ESR1: variants seen among roughly 807,000 people sequenced by gnomAD.
The protein encoded by ESR1 is estrogen receptor 1, also known as estrogen receptor.
Under a neutral mutation model 52.7 loss-of-function variants are expected in ESR1, and 12 were observed. The ratio of observed to expected loss-of-function variants is 0.23; its 90% CI spans 0.15 to 0.37. ESR1 has a LOEUF of 0.37. Among genes scored for constraint, ESR1 ranks in the 10% least tolerant of loss-of-function variants. ESR1 has a pLI of 1.00. For missense variants in ESR1, 584 were observed against 779.7 expected (o/e 0.75, Z 2.99); for synonymous variants, 305 against 316.8 (o/e 0.96, Z 0.39).
At chr6:151,695,835 A>G (rs978840166) in intron 1 of ESR1, among the ~76,000 whole-genome samples, 2 of 152,232 alleles carry the variant, frequency 1.3e-5, no homozygotes, top group African/African-American at 2.4e-5. Context: ...TGCATCACAT[A>G]TAGTAATCCG....
At position 152,044,453 on chromosome 6, in the gene ESR1, T is replaced by G. The variant is rs573419232; in HGVS notation, c.1236-16538T>G. Among the ~76,000 whole-genome samples the G allele has an allele frequency of 9.2e-4, 140 of 152,254 alleles. 1 individual carries two copies. Among genetic ancestry groups the G allele is most frequent in the African/African-American group, 3.2e-3 (132 of 41,532 alleles). On this transcript the variant is annotated intron_variant, in intron 5 of 7. Coordinates refer to ENST00000206249, the MANE Select transcript of ESR1 (RefSeq NM_000125.4). ...GTGAGATGTATATATAAAAGGCAGT[T>G]TATTAAGGAGAATTGACTCACACAA...
chr6:151,842,462 G>A (rs1784453081), intron 1 of ESR1, 135 bp from the exon 2 acceptor site: 4 of 838,204 alleles, frequency 4.8e-6, no homozygotes, highest in Non-Finnish European at 7.9e-6. Flanking sequence ...CAGACGGCAA[G>A]AGGTAATGAA....
At chr6:152,014,336 C>T (rs922500672) in intron 5 of ESR1, among the ~76,000 whole-genome samples, 2 of 152,124 alleles carry the variant, frequency 1.3e-5, no homozygotes, top group Admixed American at 6.6e-5. Context: ...TCCACTTCCT[C>T]CAGTTACGAT....
rs575824444 is a variant in ESR1 at position 151,795,318 on chromosome 6, C to T, written c.-70-12525C>T. Among the ~76,000 whole-genome samples, 19 of 151,646 alleles carry T rather than the reference C, an allele frequency of 1.3e-4. 1 individual carries two copies. The South Asian group carries it at 4.0e-3, about 32-fold the overall frequency. Reference sequence around the variant, plus strand: ...CCTGGGCAACATGGCGAAACCCCGCCTCTACTAAAAATACAAAAATTAGCT... The same window carrying T: ...CCTGGGCAACATGGCGAAACCCCGCTTCTACTAAAAATACAAAAATTAGCT... On this transcript the variant is annotated intron_variant, in intron 2 of 2. Coordinates refer to the ESR1 transcript ENST00000404742.
chr6:151,760,960 C>T (rs1784616332), intron 2 of ESR1, among the ~76,000 whole-genome samples: 1 of 152,122 alleles, frequency 6.6e-6, no homozygotes, highest in Admixed American at 6.5e-5. Context: ...TGCTTATTAG[C>T]ATACTGATAT....
chr6:151,776,043 T>C (rs190219902), intron 2 of ESR1, among the ~76,000 whole-genome samples: 2 of 152,112 alleles, frequency 1.3e-5, no homozygotes, highest in African/African-American at 4.8e-5. Context: ...GAGAAGAATA[T>C]AGGAAATGGG....
At chr6:151,975,851 A>G (rs3020404) in intron 4 of ESR1, among the ~76,000 whole-genome samples, 35,233 of 152,154 alleles carry the variant, frequency 0.23, 5,042 homozygotes, top group Admixed American at 0.35. Flanking sequence ...TTATAGTCTT[A>G]TCTATAAACC....
intron 2 of ESR1, among the ~76,000 whole-genome samples, chr6:151,714,035 T>C (rs1780832680): frequency 6.6e-6 from 1 of 152,204 alleles, no homozygotes; most frequent in South Asian, 2.1e-4. Context: ...TTCTGGTATG[T>C]TCTGTCTTTG....
chr6:151,664,377 TG>T (rs1178469330), intron 1 of ESR1, among the ~76,000 whole-genome samples: 1 of 152,234 alleles, frequency 6.6e-6, no homozygotes, highest in African/African-American at 2.4e-5. Context: ...GTTTATTATC[TG>T]TGACAGAACC....
chr6:151,850,828 T>C (rs557790273), intron 2 of ESR1, among the ~76,000 whole-genome samples: 1 of 152,318 alleles, frequency 6.6e-6, no homozygotes, highest in East Asian at 1.9e-4. Flanking sequence ...CTTAAATGCA[T>C]TTTCATCCAC....
chr6:151,780,484 G>A (rs1438675144), intron 2 of ESR1, among the ~76,000 whole-genome samples: 2 of 152,044 alleles, frequency 1.3e-5, no homozygotes, highest in African/African-American at 4.8e-5. Context: ...AATTACTCAG[G>A]AGAGTTCAAA....
chr6:151,731,560 A>G (rs1782247163), intron 2 of ESR1, among the ~76,000 whole-genome samples: 1 of 152,110 alleles, frequency 6.6e-6, no homozygotes, highest in African/African-American at 2.4e-5. Context: ...GTGCCAGGTC[A>G]GCTCCCAACA....
chr6:152,084,499 T>C (rs960845982), intron 6 of ESR1, among the ~76,000 whole-genome samples: 8 of 152,080 alleles, frequency 5.3e-5, no homozygotes, highest in African/African-American at 9.7e-5. Context: ...CTCTCAGCCA[T>C]GTGGAACTGT....
intron 3 of ESR1, among the ~76,000 whole-genome samples, chr6:151,912,438 A>G (rs1798410562): frequency 6.6e-6 from 1 of 152,186 alleles, no homozygotes; most frequent in South Asian, 2.1e-4. Flanking sequence ...ATTTAAAAAC[A>G]ATTTGATCAT....
At chr6:151,850,035 T>TA (rs1435345158) in intron 2 of ESR1, among the ~76,000 whole-genome samples, 1 of 72,594 alleles carries the variant, frequency 1.4e-5, no homozygotes, top group Non-Finnish European at 2.7e-5. Flanking sequence ...AAATTATATA[T>TA]ATATATAATT....
intron 5 of ESR1, among the ~76,000 whole-genome samples, chr6:152,013,504 AC>A: frequency 6.6e-6 from 1 of 152,172 alleles, no homozygotes; most frequent in East Asian, 1.9e-4. Context: ...TTCATAGGGT[AC>A]ACAGTGATGT....
At chr6:151,881,684 AC>A (rs1792938780) in intron 3 of ESR1, among the ~76,000 whole-genome samples, 2 of 152,234 alleles carry the variant, frequency 1.3e-5, no homozygotes, top group South Asian at 4.1e-4. Flanking sequence ...GGAGTTCGAG[AC>A]CAGCTTGGCC....
At chr6:152,031,512 T>C (rs2044701835) in intron 5 of ESR1, among the ~76,000 whole-genome samples, 1 of 152,040 alleles carries the variant, frequency 6.6e-6, no homozygotes, top group Non-Finnish European at 1.5e-5. Flanking sequence ...TATAAACACC[T>C]CTACACAAAT....
At chr6:152,078,151 T>C (rs2048893903) in intron 6 of ESR1, among the ~76,000 whole-genome samples, 1 of 152,222 alleles carries the variant, frequency 6.6e-6, no homozygotes, top group Non-Finnish European at 1.5e-5. Flanking sequence ...GTTTCCCCTA[T>C]ACTGTTCTTG....
Sources: allele counts gnomAD v4.1 joint callset (sites outside exome capture counted in the v4.1 genomes callset), GRCh38; gene constraint gnomAD v4.1.1; transcripts MANE v1.5; gene names NCBI Gene and HGNC (gene_info 2026-07-23, HGNC 2026-07-21).